Variants in NLGN4X observed in about 807,000 individuals in gnomAD.
NLGN4X encodes the protein neuroligin-4, X-linked.
A neutral mutation model predicts 40.3 loss-of-function variants in NLGN4X; 3 were observed. The observed-to-expected ratio is 0.07, with a 90% CI of 0.03 to 0.19. The LOEUF (loss-of-function observed/expected upper bound fraction) is 0.19, where lower values mean the gene tolerates loss of function less well. Ranked by LOEUF, NLGN4X falls within the 10% of genes least tolerant of loss-of-function variation. NLGN4X has a pLI of 1.00. For missense variants in NLGN4X, 382 were observed against 708.3 expected (o/e 0.54, Z 5.23); for synonymous variants, 270 against 306.8 (o/e 0.88, Z 1.25).
chrX:5,925,917 T>TATATATAC (rs2033292344), intron 3 of NLGN4X, among the ~76,000 whole-genome samples: 2 of 59,165 alleles, frequency 3.4e-5, no homozygotes, highest in Non-Finnish European at 6.1e-5. Context: ...TATATATATA[T>TATATATAC]ATATATATAT....
At chrX:5,926,789 TACACACACACACACAC>T (rs3072083) in intron 3 of NLGN4X, among the ~76,000 whole-genome samples, 8 of 93,054 alleles carry the variant, frequency 8.6e-5, no homozygotes, top group Admixed American at 7.3e-4. Flanking sequence ...CTAGAGAGCA[TACACACACACACACAC>T]ACACACACAC....
chrX:6,171,781 G>A (rs1240327284), intron 1 of NLGN4X, among the ~76,000 whole-genome samples: 1 of 111,515 alleles, frequency 9.0e-6, no homozygotes, highest in African/African-American at 3.3e-5. Flanking sequence ...ATATGATTTG[G>A]ATCTGTGTCC....
At chrX:6,053,726 G>C (rs1027240359) in intron 2 of NLGN4X, among the ~76,000 whole-genome samples, 1 of 111,715 alleles carries the variant, frequency 9.0e-6, no homozygotes, top group Non-Finnish European at 1.9e-5. Flanking sequence ...TCCTCCAAAA[G>C]GAATCTTTCA....
intron 5 of NLGN4X, among the ~76,000 whole-genome samples, chrX:5,897,770 T>C (rs1172391357): frequency 8.9e-6 from 1 of 112,284 alleles, no homozygotes; most frequent in Non-Finnish European, 1.9e-5. Context: ...ATTTCTACTA[T>C]GCGTACTCGC....
intron 5 of NLGN4X, among the ~76,000 whole-genome samples, chrX:5,902,268 A>T (rs746126687): frequency 1.8e-5 from 2 of 111,517 alleles, no homozygotes; most frequent in South Asian, 7.6e-4. Context: ...GTGCACCTGT[A>T]GTCCCAGCTA....
chrX:6,124,398 T>C (rs1348269416), intron 2 of NLGN4X, among the ~76,000 whole-genome samples: 2 of 112,175 alleles, frequency 1.8e-5, no homozygotes, highest in Non-Finnish European at 1.9e-5. Flanking sequence ...ATTGAGGATA[T>C]AGGCCAGTTG....
intron 3 of NLGN4X, among the ~76,000 whole-genome samples, chrX:5,990,949 C>T (rs890593851): frequency 8.9e-6 from 1 of 112,144 alleles, no homozygotes; most frequent in African/African-American, 3.3e-5. Flanking sequence ...CCTTGCACCA[C>T]GCAAGCTGTA....
At chrX:6,106,172 C>T (rs765245668) in intron 2 of NLGN4X, among the ~76,000 whole-genome samples, 1 of 112,054 alleles carries the variant, frequency 8.9e-6, no homozygotes, top group East Asian at 2.8e-4. Context: ...AAATAGTCAT[C>T]TGTCAGATCA....
At chrX:6,162,611 G>T (rs918915650) in intron 1 of NLGN4X, among the ~76,000 whole-genome samples, 1 of 111,402 alleles carries the variant, frequency 9.0e-6, no homozygotes, top group African/African-American at 3.3e-5. Flanking sequence ...CAGATGGCCT[G>T]TTGTGGGACC....
intron 1 of NLGN4X, among the ~76,000 whole-genome samples, chrX:6,195,652 C>A (rs778808030): frequency 1.9e-4 from 21 of 111,977 alleles, no homozygotes; most frequent in Non-Finnish European, 7.5e-5. Context: ...TTTGTTCACA[C>A]CCTCCAATCA....
intron 3 of NLGN4X, among the ~76,000 whole-genome samples, chrX:6,023,086 G>T (rs756109015): frequency 1.8e-5 from 2 of 111,695 alleles, no homozygotes; most frequent in African/African-American, 6.5e-5. Context: ...GTGAAAGATT[G>T]TAAGAAATGC....
At chrX:6,205,262 A>C (rs1263078637) in intron 1 of NLGN4X, among the ~76,000 whole-genome samples, 1 of 111,851 alleles carries the variant, frequency 8.9e-6, no homozygotes, top group African/African-American at 3.3e-5. Flanking sequence ...AGAAGCATTT[A>C]TGCTATTGCT....
Position 6,093,551 on chromosome X carries a change from G to A in NLGN4X, c.472+57444C>T, listed in dbSNP as rs181893140. 1.8e-4 allele frequency among the ~76,000 whole-genome samples: 20 copies of A among 111,368 alleles called. No individual in the cohort carries two copies. In the East Asian group the frequency reaches 5.4e-3, roughly 30 times the overall value. On this transcript the variant is annotated intron_variant, in intron 2 of 5. Coordinates refer to ENST00000381095, the MANE Select transcript of NLGN4X (RefSeq NM_181332.3). ...AAGGAAATCCGAAAGATTAAAATAC[G>A]TTGAATTATATCAAATATCTTCAAA...
chrX:6,072,723 C>T (rs992266437), intron 2 of NLGN4X, among the ~76,000 whole-genome samples: 2 of 111,460 alleles, frequency 1.8e-5, no homozygotes, highest in Non-Finnish European at 1.9e-5. Flanking sequence ...CATTCAGTGC[C>T]GCCATAGCCC....
chrX:5,916,921 G>A (rs1402974221), intron 3 of NLGN4X, among the ~76,000 whole-genome samples: 3 of 112,062 alleles, frequency 2.7e-5, no homozygotes, highest in African/African-American at 9.7e-5. Flanking sequence ...ACACAATAAA[G>A]TGAATGTGTT....
intron 2 of NLGN4X, among the ~76,000 whole-genome samples, chrX:6,142,033 A>G (rs2039958054): frequency 9.0e-6 from 1 of 111,080 alleles, no homozygotes; most frequent in Admixed American, 9.6e-5. Flanking sequence ...TAAAGTTTCT[A>G]TCTCTGACAA....
intron 1 of NLGN4X, among the ~76,000 whole-genome samples, chrX:6,189,183 C>G (rs774451015): frequency 2.7e-5 from 3 of 112,179 alleles, no homozygotes; most frequent in South Asian, 7.4e-4. Flanking sequence ...TGTGTCTCCA[C>G]GAAATCCTCC....
At chrX:5,985,037 A>C (rs1211160089) in intron 3 of NLGN4X, among the ~76,000 whole-genome samples, 1 of 112,311 alleles carries the variant, frequency 8.9e-6, no homozygotes, top group Non-Finnish European at 1.9e-5. Flanking sequence ...AAAACATTGA[A>C]AGGTACTAAC....
intron 2 of NLGN4X, among the ~76,000 whole-genome samples, chrX:6,050,124 A>G (rs1030123266): frequency 1.3e-4 from 15 of 111,871 alleles, no homozygotes; most frequent in African/African-American, 4.9e-4. Context: ...CTGTAAAATG[A>G]TAGCACTGAG....
Sources: gnomAD v4.1 joint callset for allele counts (sites outside exome capture counted in the v4.1 genomes callset) on GRCh38, gnomAD v4.1.1 for gene constraint, MANE v1.5 for transcripts, NCBI Gene and HGNC (gene_info 2026-07-23, HGNC 2026-07-21) for gene names.